The following SLCO1B1 variants were observed in gnomAD, a reference collection of about 807,000 sequenced individuals.
SLCO1B1 encodes OATP-2.
In SLCO1B1, 81 loss-of-function variants were observed where a neutral mutation model predicts 70.1. The observed-to-expected ratio is 1.16, with a 90% confidence interval of 0.97 to 1.39. SLCO1B1 has a LOEUF of 1.39. Ranked by LOEUF, SLCO1B1 falls within the 40% of genes most tolerant of loss-of-function variation. SLCO1B1 has a pLI of 0.00. For synonymous variants in SLCO1B1, 283 were observed against 271.5 expected, an observed-to-expected ratio of 1.04 and a Z score of -0.42; for missense variants, 895 against 799.6, an observed-to-expected ratio of 1.12 and a Z score of -1.44.
intron 2 of SLCO1B1, among the ~76,000 whole-genome samples, chr12:21,155,973 T>C (rs141935006): frequency 6.6e-5 from 10 of 152,292 alleles, no homozygotes; most frequent in African/African-American, 1.2e-4. Context: ...AATCCCTGCA[T>C]TGAGGTAGAA....
Position 21,200,497 on chromosome 12 carries a change from C to T in SLCO1B1, c.971-11C>T. On this transcript the variant is annotated splice_polypyrimidine_tract_variant and intron_variant, in intron 8 of 14. Transcript: ENST00000256958. ...CATTCAAATATTTTCTTTATTTTTACAATTTTACAGGTTTTTTCCAGTCTT... is the reference window on the plus strand; with the variant it reads ...CATTCAAATATTTTCTTTATTTTTATAATTTTACAGGTTTTTTCCAGTCTT... 7 of 1,531,270 alleles carry T rather than the reference C, an allele frequency of 4.6e-6. No homozygotes were observed. Among genetic ancestry groups the T allele is most frequent in the African/African-American group, 1.4e-5 (1 of 71,900 alleles). 94.9% of individuals were successfully genotyped at this position (1,531,270 alleles called of 1,614,324 possible).
chr12:21,158,620 G>A (rs989474754), intron 2 of SLCO1B1, among the ~76,000 whole-genome samples: 21 of 152,202 alleles, frequency 1.4e-4, no homozygotes, highest in South Asian at 2.1e-4. Context: ...CTTGAACCCA[G>A]GAGGCAGAGG....
chr12:21,137,865 T>C (rs1167295558), intron 1 of SLCO1B1, among the ~76,000 whole-genome samples: 1 of 152,120 alleles, frequency 6.6e-6, no homozygotes, highest in Non-Finnish European at 1.5e-5. Context: ...TGTCTGGCAC[T>C]CCCCAGTGAG....
intron 2 of SLCO1B1, among the ~76,000 whole-genome samples, chr12:21,166,009 A>G (rs1940680172): frequency 6.7e-6 from 1 of 149,348 alleles, no homozygotes; most frequent in Non-Finnish European, 1.5e-5. Flanking sequence ...AAGCAGAAAG[A>G]AAAAAAAAAC....
intron 2 of SLCO1B1, among the ~76,000 whole-genome samples, chr12:21,145,140 C>G (rs1940363248): frequency 6.6e-6 from 1 of 152,130 alleles, no homozygotes; most frequent in South Asian, 2.1e-4. Flanking sequence ...AGAAGCAAGA[C>G]CCAACCGTTT....
chr12:21,232,274 G>A lies in SLCO1B1; in HGVS notation c.1866-6705G>A, dbSNP rs141113534. Among the ~76,000 whole-genome samples the A allele has an allele frequency of 4.1e-3, 623 of 152,294 alleles. 15 individuals carry two copies. The highest frequency in any genetic ancestry group is 0.036 in the Admixed American group (547 of 15,294). On this transcript the variant is annotated intron_variant, in intron 14 of 14. Coordinates refer to ENST00000256958, the MANE Select transcript of SLCO1B1 (RefSeq NM_006446.5). ...CATTACCTTTCCCAGAAGGATTCCA[G>A]TGCAACCGATTTCAAGCTTGCAAAG...
At chr12:21,136,113 A>G (rs2039717521) in intron 1 of SLCO1B1, among the ~76,000 whole-genome samples, 1 of 152,144 alleles carries the variant, frequency 6.6e-6, no homozygotes, top group African/African-American at 2.4e-5. Flanking sequence ...TGGATATGAA[A>G]TTCTGGGTTG....
chr12:21,149,966 T>G (rs1940445127), intron 2 of SLCO1B1, among the ~76,000 whole-genome samples: 1 of 152,096 alleles, frequency 6.6e-6, no homozygotes. Flanking sequence ...AAATTCTCCT[T>G]GCCAGCCGAG....
chr12:21,197,254 T>G, intron 8 of SLCO1B1, 66 bp downstream of exon 8: 1 of 1,572,578 alleles, frequency 6.4e-7, no homozygotes, highest in Non-Finnish European at 8.7e-7. Context: ...GAATGAGTAT[T>G]CCAAAATAAT....
intron 1 of SLCO1B1, 70 bp from the exon 2 acceptor site, chr12:21,141,444 T>C: frequency 1.7e-6 from 1 of 577,736 alleles, no homozygotes; most frequent in Non-Finnish European, 3.2e-6. Context: ...ATGATGATCT[T>C]GTGGCTTTTC....
At chr12:21,222,992 C>A (rs1426424806) in intron 13 of SLCO1B1, among the ~76,000 whole-genome samples, 2 of 152,148 alleles carry the variant, frequency 1.3e-5, no homozygotes, top group African/African-American at 4.8e-5. Flanking sequence ...TCCCTCCGTT[C>A]CGTTTTGTGT....
At chr12:21,142,417 G>A (rs1057092966) in intron 2 of SLCO1B1, among the ~76,000 whole-genome samples, 1 of 152,020 alleles carries the variant, frequency 6.6e-6, no homozygotes, top group East Asian at 1.9e-4. Context: ...TGGAACCCAA[G>A]ACAAAGCCTT....
intron 7 of SLCO1B1, among the ~76,000 whole-genome samples, chr12:21,180,127 T>C (rs919754974): frequency 6.6e-6 from 1 of 152,164 alleles, no homozygotes; most frequent in African/African-American, 2.4e-5. Flanking sequence ...TTAGATATCT[T>C]ATTAGTACCT....
intron 3 of SLCO1B1, 76 bp from the exon 4 acceptor site, chr12:21,174,501 C>T: frequency 7.0e-7 from 1 of 1,426,266 alleles, no homozygotes; most frequent in South Asian, 1.2e-5. Flanking sequence ...ACTCTATTTG[C>T]ATCCATTCTG....
chr12:21,232,522 T>A (rs1372379932), intron 14 of SLCO1B1, among the ~76,000 whole-genome samples: 4 of 152,030 alleles, frequency 2.6e-5, no homozygotes, highest in African/African-American at 9.7e-5. Flanking sequence ...GCTTAAAAAG[T>A]AGGCTTATAG....
chr12:21,215,952 C>G (rs1941353114), intron 11 of SLCO1B1, among the ~76,000 whole-genome samples: 1 of 151,994 alleles, frequency 6.6e-6, no homozygotes, highest in South Asian at 2.1e-4. Flanking sequence ...TTGGATGGTT[C>G]ATTTTGGATG....
intron 2 of SLCO1B1, among the ~76,000 whole-genome samples, chr12:21,163,586 T>C (rs1289073398): frequency 2.0e-5 from 3 of 152,198 alleles, no homozygotes; most frequent in African/African-American, 4.8e-5. Context: ...AAACATTTAT[T>C]TCTCACAGTT....
intron 2 of SLCO1B1, among the ~76,000 whole-genome samples, chr12:21,169,966 G>A (rs1940737019): frequency 6.6e-6 from 1 of 152,032 alleles, no homozygotes; most frequent in African/African-American, 2.4e-5. Context: ...CTTTAGGCTT[G>A]TGTGTGTGAT....
Position 21,223,012 on chromosome 12 carries a change from C to T in SLCO1B1, c.1747+648C>T, listed in dbSNP as rs764008891. 2.1e-4 allele frequency among the ~76,000 whole-genome samples: 32 copies of T among 152,134 alleles called. 1 individual carries two copies. The highest frequency in any genetic ancestry group is 3.7e-4 in the Non-Finnish European group (25 of 68,036). On this transcript the variant is annotated intron_variant, in intron 13 of 14. Coordinates refer to ENST00000256958, the MANE Select transcript of SLCO1B1 (RefSeq NM_006446.5). The stretch of plus-strand genomic sequence containing the variant: ...CCGTTCCGTTTTGTGTGTCTCTAAT[C>T]TCCCAGACTCTGTACATTCTGGCAG...
Sources: allele counts gnomAD v4.1 joint callset (sites outside exome capture counted in the v4.1 genomes callset), GRCh38; gene constraint gnomAD v4.1.1; transcripts MANE v1.5; gene names NCBI Gene and HGNC (gene_info 2026-07-23, HGNC 2026-07-21).